Variants in GCH1 observed in about 807,000 individuals in gnomAD.
GCH1 encodes the protein GTP cyclohydrolase I.
Under a neutral mutation model 25.9 loss-of-function variants are expected in GCH1, and 5 were observed. The observed-to-expected ratio is 0.19, with a 90% CI of 0.10 to 0.41. The LOEUF is 0.41. Among genes scored for constraint, GCH1 ranks in the 10% least tolerant of loss-of-function variants. The pLI is 1.00. For synonymous variants in GCH1, 159 were observed against 129.6 expected (o/e 1.23, Z -1.54); for missense variants, 261 against 336.5 (o/e 0.78, Z 1.75).
At chr14:54,846,819 G>C (rs563236712) in intron 4 of GCH1, among the ~76,000 whole-genome samples, 1 of 152,166 alleles carries the variant, frequency 6.6e-6, no homozygotes, top group African/African-American at 2.4e-5. Context: ...CCAGCACTTT[G>C]GGAGGCCAAG....
intron 3 of GCH1, among the ~76,000 whole-genome samples, chr14:54,856,224 C>T (rs989968170): frequency 1.3e-5 from 2 of 152,186 alleles, no homozygotes; most frequent in African/African-American, 4.8e-5. Flanking sequence ...CAGGTCTATT[C>T]ACCTGCCAGG....
intron 1 of GCH1, among the ~76,000 whole-genome samples, chr14:54,867,669 T>A (rs2040008707): frequency 1.4e-5 from 2 of 146,356 alleles, no homozygotes; most frequent in Admixed American, 1.4e-4. Context: ...ACTCTGTACC[T>A]CAGTCTTCTC....
intron 3 of GCH1, among the ~76,000 whole-genome samples, chr14:54,851,978 TG>T (rs1436019470): frequency 6.6e-6 from 1 of 152,198 alleles, no homozygotes; most frequent in East Asian, 1.9e-4. Context: ...TTAGTAGAGA[TG>T]GTGTTTCACC....
chr14:54,858,364 C>T (rs929935587), intron 3 of GCH1, among the ~76,000 whole-genome samples: 31 of 152,288 alleles, frequency 2.0e-4, no homozygotes, highest in Admixed American at 1.7e-3. Context: ...CGGCTCACTG[C>T]AAGCTCTGCC....
intron 1 of GCH1, among the ~76,000 whole-genome samples, chr14:54,881,103 G>A (rs1209072156): frequency 6.6e-6 from 1 of 151,494 alleles, no homozygotes; most frequent in Non-Finnish European, 1.5e-5. Flanking sequence ...GGGATTACAG[G>A]TGTGAACCAC....
At chr14:54,895,196 T>C (rs2040468829) in intron 1 of GCH1, among the ~76,000 whole-genome samples, 2 of 152,226 alleles carry the variant, frequency 1.3e-5, no homozygotes, top group Non-Finnish European at 1.5e-5. Flanking sequence ...ATAGACATAA[T>C]CTTCCAGTGA....
chr14:54,871,784 A>G (rs995521683), intron 1 of GCH1, among the ~76,000 whole-genome samples: 8 of 152,244 alleles, frequency 5.3e-5, no homozygotes, highest in Non-Finnish European at 4.4e-5. Context: ...AAGCAAGAAG[A>G]GAAGTTTAGA....
At chr14:54,868,867 T>A (rs546947184) in intron 1 of GCH1, among the ~76,000 whole-genome samples, 10 of 152,236 alleles carry the variant, frequency 6.6e-5, no homozygotes, top group Middle Eastern at 3.4e-3. Context: ...CCCAAAGTGC[T>A]GGGATTATGG....
At chr14:54,876,030 A>G (rs777593881) in intron 1 of GCH1, among the ~76,000 whole-genome samples, 53 of 152,194 alleles carry the variant, frequency 3.5e-4, no homozygotes, top group Non-Finnish European at 6.9e-4. Flanking sequence ...ACATGCTACT[A>G]TAAAGACACA....
chr14:54,893,311 A>G (rs1310164715), intron 1 of GCH1, among the ~76,000 whole-genome samples: 2 of 152,226 alleles, frequency 1.3e-5, no homozygotes, highest in South Asian at 4.1e-4. Flanking sequence ...TCCAGGATTC[A>G]TAATCTGGGA....
intron 4 of GCH1, among the ~76,000 whole-genome samples, chr14:54,846,603 T>A (rs2039644630): frequency 6.6e-6 from 1 of 152,202 alleles, no homozygotes; most frequent in Non-Finnish European, 1.5e-5. Context: ...GATTTGAAAA[T>A]GCAGGTATAT....
intron 1 of GCH1, among the ~76,000 whole-genome samples, chr14:54,872,115 C>A (rs1249119534): frequency 6.6e-6 from 1 of 152,164 alleles, no homozygotes; most frequent in Non-Finnish European, 1.5e-5. Context: ...AGGTTACCCA[C>A]AAAGGGAAGC....
In GCH1 at chr14:54,881,655, G is replaced by A. The variant is rs3783638; in HGVS notation, c.344-16219C>T. ...AGACAACCAGTCACACCATCTGCTG[G>A]AGTGCACAGAGCTGCCGCACAGCTT... On this transcript the variant is annotated intron_variant, in intron 1 of 5. Coordinates refer to ENST00000491895, the MANE Select transcript of GCH1 (RefSeq NM_000161.3). Among the ~76,000 whole-genome samples the A allele has an allele frequency of 0.21, 32,645 of 152,060 alleles. 4,893 individuals carry two copies. The highest frequency in any genetic ancestry group is 0.42 in the East Asian group (2,151 of 5,180).
intron 1 of GCH1, among the ~76,000 whole-genome samples, chr14:54,866,803 T>C (rs540404143): frequency 6.6e-6 from 1 of 152,242 alleles, no homozygotes; most frequent in Non-Finnish European, 1.5e-5. Flanking sequence ...GACTGTGTCA[T>C]AGAAAAGTCA....
intron 1 of GCH1, among the ~76,000 whole-genome samples, chr14:54,899,203 G>T (rs1295011019): frequency 1.3e-5 from 2 of 152,166 alleles, no homozygotes; most frequent in Non-Finnish European, 2.9e-5. Context: ...GCTCACACCT[G>T]TAATCCTAGC....
chr14:54,860,024 G>A (rs1326534183), intron 2 of GCH1, among the ~76,000 whole-genome samples: 2 of 152,072 alleles, frequency 1.3e-5, no homozygotes, highest in South Asian at 4.2e-4. Flanking sequence ...TTGCTTCCAG[G>A]ACCCCTGTGT....
chr14:54,890,450 A>T (rs935252836), intron 1 of GCH1, among the ~76,000 whole-genome samples: 1 of 152,226 alleles, frequency 6.6e-6, no homozygotes, highest in Non-Finnish European at 1.5e-5. Flanking sequence ...GTGAGACGAG[A>T]TCGCGCCATT....
chr14:54,880,446 T>C (rs1336507265), intron 1 of GCH1, among the ~76,000 whole-genome samples: 1 of 122,368 alleles, frequency 8.2e-6, no homozygotes, highest in Non-Finnish European at 1.6e-5. Flanking sequence ...ATATATATAC[T>C]CCATATAAAT....
chr14:54,846,351 T>A (rs2039641196), intron 4 of GCH1, among the ~76,000 whole-genome samples: 1 of 152,224 alleles, frequency 6.6e-6, no homozygotes, highest in African/African-American at 2.4e-5. Context: ...GAATATTCAT[T>A]GCAGCACTGC....
Sources: gnomAD v4.1 joint callset for allele counts (sites outside exome capture counted in the v4.1 genomes callset) on GRCh38, gnomAD v4.1.1 for gene constraint, MANE v1.5 for transcripts, NCBI Gene and HGNC (gene_info 2026-07-23, HGNC 2026-07-21) for gene names.